EXOC7: variants seen among roughly 807,000 people sequenced by gnomAD.
EXOC7 encodes exocyst complex component 7.
Under a neutral mutation model 87.6 loss-of-function variants are expected in EXOC7, and 51 were observed. The ratio of observed to expected loss-of-function variants is 0.58; its 90% CI spans 0.46 to 0.73. The LOEUF (loss-of-function observed/expected upper bound fraction) is 0.73. EXOC7 is among the 30% of genes least tolerant of loss of function. The pLI is 0.00. For synonymous variants in EXOC7, 327 were observed against 357.1 expected (o/e 0.92, Z 0.95); for missense variants, 744 against 888.4 (o/e 0.84, Z 2.07).
intron 2 of EXOC7, among the ~76,000 whole-genome samples, chr17:76,102,582 C>A (rs962980592): frequency 1.3e-4 from 19 of 151,830 alleles, no homozygotes; most frequent in African/African-American, 3.4e-4. Flanking sequence ...CTCTAGCCTG[C>A]ACAACACAGC....
Position 76,084,154 on chromosome 17 carries a change from G to C in EXOC7, c.1819-15C>G. On this transcript the variant is annotated splice_polypyrimidine_tract_variant and intron_variant, in intron 17 of 18. Coordinates refer to ENST00000589210, the MANE Select transcript of EXOC7 (RefSeq NM_001013839.4). ...TCATTGAAGCCCTGGCCACCAAAAAGGTGAAAAAGGAAGGCACCCAGAGAC... is the reference window on the plus strand; with the variant it reads ...TCATTGAAGCCCTGGCCACCAAAAACGTGAAAAAGGAAGGCACCCAGAGAC... The C allele has an allele frequency of 6.3e-7, 1 of 1,592,658 alleles. No individual in the cohort carries two copies. Among genetic ancestry groups the C allele is most frequent in the Non-Finnish European group, 8.5e-7 (1 of 1,170,006 alleles).
At chr17:76,103,576 C>T in intron 1 of EXOC7, 57 bp downstream of exon 1, 1 of 1,605,202 alleles carries the variant, frequency 6.2e-7, no homozygotes, top group Non-Finnish European at 8.5e-7. Context: ...ACAATCAGGC[C>T]CCGCTGTTGG....
intron 15 of EXOC7, among the ~76,000 whole-genome samples, chr17:76,084,870 G>T (rs191736698): frequency 6.6e-6 from 1 of 152,310 alleles, no homozygotes; most frequent in East Asian, 1.9e-4. Flanking sequence ...AGATGAGAAA[G>T]AAAGGAGTGG....
Position 76,086,085 on chromosome 17 carries a change from T to G in EXOC7, c.1490A>C (p.Tyr497Ser). The change falls in exon 13 of 19, where the codon TAT becomes TCT. Residue 497 changes from tyrosine (Y) to serine (S), a missense_variant. Tyr to Ser is a moderately radical substitution (Grantham distance 144, BLOSUM62 -2). This residue lies in a region of EXOC7 where 228 missense variants were observed against 298.6 expected (regional missense o/e 0.76). Transcript: ENST00000589210. ...SEFSKRLLST[Y>S]ICKVLGNLQL... ...CTGCCCGGGAGAACACTCACAGATA[T>G]AGGTGCTTAGCAGCCGCTTGCTGAA... 1 of 1,613,696 alleles carries G rather than the reference T, an allele frequency of 6.2e-7. No individual in the cohort carries two copies. Among genetic ancestry groups the G allele is most frequent in the Non-Finnish European group, 8.5e-7 (1 of 1,180,006 alleles).
At chr17:76,093,132 G>A (rs1242813121) in intron 6 of EXOC7, 1 of 152,848 alleles carries the variant, frequency 6.5e-6, no homozygotes, top group Non-Finnish European at 1.5e-5. Context: ...CCAGGCAGAA[G>A]AGGAAGCAAG....
intron 2 of EXOC7, among the ~76,000 whole-genome samples, chr17:76,102,468 G>A (rs534996824): frequency 3.3e-5 from 5 of 151,670 alleles, no homozygotes; most frequent in African/African-American, 7.2e-5. Context: ...TTAGCAAGGC[G>A]TGGTGGTGTG....
Position 76,084,038 on chromosome 17 carries a change from A to C in EXOC7, c.1920T>G (p.Ile640Met). The part of the protein sequence containing the change: ...RDRIRQAQKT[I>M]VKETYGAFLQ... ...GAAAGGCCCCGTAGGTCTCCTTGAC[A>C]ATGGTCTTCTGGGCCTGGCGAATCC... The change falls in exon 18 of 19, where the codon ATT becomes ATG. Residue 640 changes from isoleucine (I) to methionine (M), a missense_variant. Around this residue, in one of 3 missense-constraint regions of EXOC7, gnomAD observed 228 missense variants for 298.6 expected, o/e 0.76. Coordinates refer to ENST00000589210, the MANE Select transcript of EXOC7 (RefSeq NM_001013839.4). The C allele has an allele frequency of 6.2e-7, 1 of 1,605,518 alleles. No individual in the cohort carries two copies. Among genetic ancestry groups the C allele is most frequent in the African/African-American group, 1.3e-5 (1 of 74,584 alleles).
chr17:76,087,297 C>T, intron 12 of EXOC7: 1 of 396,876 alleles, frequency 2.5e-6, no homozygotes. Flanking sequence ...CCTCTGAAGG[C>T]CAGCTGAGCG....
At chr17:76,087,024 C>A (rs1245466283) in intron 12 of EXOC7, 2 of 712,730 alleles carry the variant, frequency 2.8e-6, no homozygotes, top group East Asian at 5.7e-5. Flanking sequence ...CCCACGACAG[C>A]CAAAACACAG....
At chr17:76,090,723 T>A (rs2067440848) in intron 7 of EXOC7, 1 of 564,910 alleles carries the variant, frequency 1.8e-6, no homozygotes, top group African/African-American at 1.9e-5. Flanking sequence ...CCCACCTCGC[T>A]GTATTTGGGG....
intron 2 of EXOC7, among the ~76,000 whole-genome samples, chr17:76,102,306 G>A (rs894979641): frequency 2.6e-5 from 4 of 152,122 alleles, no homozygotes; most frequent in Non-Finnish European, 4.4e-5. Context: ...TGGGCGTGAT[G>A]GTTCATGCCT....
intron 2 of EXOC7, chr17:76,102,977 G>A (rs1049898382): frequency 5.2e-6 from 1 of 192,470 alleles, no homozygotes; most frequent in African/African-American, 2.4e-5. Flanking sequence ...CTGGAGTGAA[G>A]GCTGAGTCTT....
Position 76,096,511 on chromosome 17 carries a change from C to CAAAA in EXOC7, c.640+1281_640+1284dup, listed in dbSNP as rs780542530. Reference sequence around the variant, plus strand: ...TGGGTGACAGAGCGAGACTCTGTCTCAAAAAAAAAAAAAAAAAAAAAAGTG... The same window carrying CAAAA: ...TGGGTGACAGAGCGAGACTCTGTCTCAAAAAAAAAAAAAAAAAAAAAAAAAAGTG... On this transcript the variant is annotated intron_variant, in intron 5 of 18. Transcript: ENST00000589210. 6.2e-4 allele frequency among the ~76,000 whole-genome samples: 43 copies of CAAAA among 69,844 alleles called. 1 individual carries two copies. Among genetic ancestry groups the CAAAA allele is most frequent in the South Asian group, 2.2e-3 (4 of 1,798 alleles). 45.8% of individuals were successfully genotyped at this position (69,844 alleles called of 152,430 possible).
rs913995297 is a variant in EXOC7 at position 76,083,291 on chromosome 17, A to G, written c.*357T>C. The G allele has an allele frequency of 5.1e-5, 13 of 252,960 alleles. No homozygotes were observed. In the Admixed American group the frequency reaches 5.9e-4, roughly 12 times the overall value. The allele number at this position is 252,960 out of a possible 1,614,324, so 15.7% of individuals were successfully genotyped here. ...AGTTCTCTGTCCCCACCTCTGACCT[A>G]GGCTGGAGGGAGGGCCCTTCTGCCC... is the stretch of plus-strand genomic sequence containing the variant. On this transcript the variant is annotated 3_prime_UTR_variant, in exon 19 of 19. Transcript: ENST00000589210.
At chr17:76,101,446 G>A in intron 3 of EXOC7, 70 bp from the exon 4 acceptor site, 1 of 1,571,144 alleles carries the variant, frequency 6.4e-7, no homozygotes, top group Non-Finnish European at 8.6e-7. Flanking sequence ...ACAGTATTTG[G>A]GAAAAAGAAA....
rs902606140 is a variant in EXOC7 at position 76,082,610 on chromosome 17, C to T, written c.*1038G>A. On this transcript the variant is annotated 3_prime_UTR_variant, in exon 19 of 19. Transcript: ENST00000589210. ...TGGGCAGCGTGCAAGTCTGACGCAG[C>T]CCCTGGAGAGGCTGCACCCCATGGC... 1.9e-6 allele frequency: 3 copies of T among 1,613,122 alleles called. No homozygotes were observed. The highest frequency in any genetic ancestry group is 2.7e-5 in the African/African-American group (2 of 74,916).
intron 3 of EXOC7, 60 bp downstream of exon 3, chr17:76,101,619 C>G (rs1026602686): frequency 4.2e-5 from 65 of 1,540,548 alleles, no homozygotes; most frequent in Non-Finnish European, 4.9e-5. Flanking sequence ...GATTACAGAC[C>G]AACCCTCCTG....
intron 18 of EXOC7, 44 bp downstream of exon 18, chr17:76,083,962 G>A: frequency 1.3e-6 from 2 of 1,511,242 alleles, no homozygotes; most frequent in Non-Finnish European, 1.8e-6. Flanking sequence ...GAGGCCCACT[G>A]GGGCTGTGGG....
At chr17:76,100,980 AAACAAC>A (rs564691005) in intron 4 of EXOC7, 231 of 344,728 alleles carry the variant, frequency 6.7e-4, no homozygotes, top group East Asian at 4.8e-3. Context: ...TCTCAGGAAA[AAACAAC>A]AACAACAACA....
Sources: gnomAD v4.1 joint callset for allele counts (sites outside exome capture counted in the v4.1 genomes callset) on GRCh38, gnomAD v4.1.1 for gene constraint, gnomAD v4.1.1 regional missense constraint, MANE v1.5 for transcripts, NCBI Gene and HGNC (gene_info 2026-07-23, HGNC 2026-07-21) for gene names.